Variants in DPP10 observed in about 807,000 individuals in gnomAD.
DPP10 encodes the protein inactive dipeptidyl peptidase 10.
In DPP10, 33 loss-of-function variants were observed where a neutral mutation model predicts 120.9. That is an observed-to-expected ratio of 0.27 (90% CI 0.21 to 0.37). The LOEUF (loss-of-function observed/expected upper bound fraction) is 0.37. Among genes scored for constraint, DPP10 ranks in the 10% least tolerant of loss-of-function variants. The probability of loss-of-function intolerance (pLI) is 1.00; values close to 1 mark genes in which losing one functional copy is unlikely to be tolerated. For missense variants in DPP10, 816 were observed against 942.8 expected, an observed-to-expected ratio of 0.87 and a Z score of 1.76; for synonymous variants, 337 against 326.1, an observed-to-expected ratio of 1.03 and a Z score of -0.36.
At chr2:115,380,673 T>G (rs1161072112) in intron 3 of DPP10, among the ~76,000 whole-genome samples, 1 of 152,028 alleles carries the variant, frequency 6.6e-6, no homozygotes, top group African/African-American at 2.4e-5. Flanking sequence ...TTTGGCATGA[T>G]TTTGCAGTGG....
chr2:115,047,563 T>C (rs376727981), intron 1 of DPP10, among the ~76,000 whole-genome samples: 167 of 152,198 alleles, frequency 1.1e-3, no homozygotes, highest in African/African-American at 3.9e-3. Context: ...GTTTACTCCC[T>C]TCTTGTTTTA....
intron 1 of DPP10, among the ~76,000 whole-genome samples, chr2:114,766,996 A>T (rs1680762895): frequency 6.6e-6 from 1 of 151,756 alleles, no homozygotes; most frequent in African/African-American, 2.4e-5. Flanking sequence ...TTATCTATTT[A>T]ACAGTGTGCA....
chr2:114,516,344 C>G (rs1684591639), intron 1 of DPP10, among the ~76,000 whole-genome samples: 1 of 152,162 alleles, frequency 6.6e-6, no homozygotes, highest in African/African-American at 2.4e-5. Context: ...TTCATTAAGG[C>G]TTTTTTCCAT....
intron 1 of DPP10, among the ~76,000 whole-genome samples, chr2:115,155,285 GAAGA>G (rs1261237855): frequency 6.6e-6 from 1 of 152,156 alleles, no homozygotes; most frequent in Non-Finnish European, 1.5e-5. Flanking sequence ...AAGAGTGAAA[GAAGA>G]AAGTCCCTGT....
rs70941088 is a variant in DPP10, at chr2:115,688,034, A to AAGAG, written c.442-1635_442-1632dup. Among the ~76,000 whole-genome samples, 638 of 150,310 alleles carry AAGAG rather than the reference A, an allele frequency of 4.2e-3. 6 individuals carry two copies. Among genetic ancestry groups the AAGAG allele is most frequent in the African/African-American group, 0.014 (579 of 41,016 alleles). ...CAGAGCTTTCTGAGAGAGAGAGAAA[A>AAGAG]AGAGAGAGAGAGAGAGAGAGAAAAT... On this transcript the variant is annotated intron_variant, in intron 5 of 25. Coordinates refer to ENST00000410059, the MANE Select transcript of DPP10 (RefSeq NM_020868.6).
intron 1 of DPP10, among the ~76,000 whole-genome samples, chr2:115,200,684 G>A (rs1396382007): frequency 6.6e-6 from 1 of 152,198 alleles, no homozygotes; most frequent in Non-Finnish European, 1.5e-5. Flanking sequence ...GACACAGAAT[G>A]TTCTACCTAG....
intron 16 of DPP10, 102 bp from the exon 17 acceptor site, chr2:115,782,250 G>A (rs10188488): frequency 2.0e-4 from 191 of 956,924 alleles, no homozygotes; most frequent in Non-Finnish European, 2.7e-4. Context: ...TTTTAACCAC[G>A]AAGTGCTTCC....
chr2:114,933,233 T>C (rs11691241), intron 1 of DPP10, among the ~76,000 whole-genome samples: 38,238 of 152,128 alleles, frequency 0.25, 4,887 homozygotes, highest in East Asian at 0.38. Context: ...AGAATTATGA[T>C]AGATCCAGTA....
intron 24 of DPP10, 85 bp downstream of exon 24, chr2:115,836,831 C>T (rs1689589431): frequency 7.9e-7 from 1 of 1,261,452 alleles, no homozygotes; most frequent in South Asian, 1.5e-5. Context: ...ACAGGAAGCC[C>T]TGTAAACCTT....
intron 1 of DPP10, among the ~76,000 whole-genome samples, chr2:115,062,517 G>A (rs1179887290): frequency 2.6e-5 from 4 of 152,076 alleles, no homozygotes; most frequent in African/African-American, 9.7e-5. Flanking sequence ...TATTTTTCCT[G>A]ATGCTTTCCT....
chr2:115,152,970 T>G (rs1299612676), intron 1 of DPP10, among the ~76,000 whole-genome samples: 1 of 152,172 alleles, frequency 6.6e-6, no homozygotes, highest in Non-Finnish European at 1.5e-5. Context: ...TGAGTTCTTC[T>G]TCTCCTCAAG....
intron 1 of DPP10, among the ~76,000 whole-genome samples, chr2:115,106,803 C>T (rs530977820): frequency 6.6e-6 from 1 of 152,148 alleles, no homozygotes; most frequent in South Asian, 2.1e-4. Context: ...GGGCCGGGCG[C>T]GGTGGCTCAC....
chr2:115,270,063 A>G (rs1314778975), intron 1 of DPP10, among the ~76,000 whole-genome samples: 1 of 123,236 alleles, frequency 8.1e-6, no homozygotes, highest in Non-Finnish European at 1.7e-5. Context: ...TACTAGGTAT[A>G]CTTCACACAC....
chr2:114,727,408 C>T (rs940030916), intron 1 of DPP10, among the ~76,000 whole-genome samples: 1 of 152,142 alleles, frequency 6.6e-6, no homozygotes, highest in Admixed American at 6.5e-5. Context: ...TTCTCCAATG[C>T]TCATTTAGTT....
At chr2:115,566,105 C>T (rs1439346448) in intron 5 of DPP10, among the ~76,000 whole-genome samples, 1 of 151,936 alleles carries the variant, frequency 6.6e-6, no homozygotes. Flanking sequence ...GTATTTTTGA[C>T]AATAATACTA....
chr2:115,588,103 C>CT (rs1452782757), intron 5 of DPP10, among the ~76,000 whole-genome samples: 1 of 152,138 alleles, frequency 6.6e-6, no homozygotes, highest in Non-Finnish European at 1.5e-5. Context: ...TATATCATCT[C>CT]TAGGTAGGTG....
chr2:115,029,681 T>G (rs1345389279), intron 1 of DPP10, among the ~76,000 whole-genome samples: 2 of 152,192 alleles, frequency 1.3e-5, no homozygotes, highest in African/African-American at 2.4e-5. Context: ...TTGAATTTTT[T>G]CATTTTTATC....
In DPP10 at chr2:114,606,582, A is replaced by G. The variant is rs1410838437; in HGVS notation, c.60+163744A>G. Among the ~76,000 whole-genome samples, 6 of 152,126 alleles carry G rather than the reference A, an allele frequency of 3.9e-5. No individual in the cohort carries two copies. In the East Asian group the frequency reaches 7.7e-4, roughly 20 times the overall value. On this transcript the variant is annotated intron_variant, in intron 1 of 25. Coordinates refer to ENST00000410059, the MANE Select transcript of DPP10 (RefSeq NM_020868.6). Reference sequence around the variant, plus strand: ...TATATTCGGACCAGTCTAGAGTACAATGAGTGGGAATGACAGTCTGGAAGG... The same window carrying G: ...TATATTCGGACCAGTCTAGAGTACAGTGAGTGGGAATGACAGTCTGGAAGG...
chr2:115,225,804 A>G, intron 1 of DPP10, among the ~76,000 whole-genome samples: 1 of 150,288 alleles, frequency 6.7e-6, no homozygotes, highest in Non-Finnish European at 1.5e-5. Flanking sequence ...ATTGAAAAAG[A>G]TTTTTTTTTT....
Sources: gnomAD v4.1 joint callset for allele counts (sites outside exome capture counted in the v4.1 genomes callset) on GRCh38, gnomAD v4.1.1 for gene constraint, MANE v1.5 for transcripts, NCBI Gene and HGNC (gene_info 2026-07-23, HGNC 2026-07-21) for gene names.